The following ZSCAN25 variants were observed in gnomAD, a reference collection of about 807,000 sequenced individuals.
ZSCAN25 encodes zinc finger and SCAN domain containing 25.
A neutral mutation model predicts 38.7 loss-of-function variants in ZSCAN25; 27 were observed. That is an observed-to-expected ratio of 0.70 (90% CI 0.51 to 0.96). ZSCAN25 has a LOEUF of 0.96. ZSCAN25 is among the 40% of genes least tolerant of loss of function. The pLI is 0.00. For missense variants in ZSCAN25, 637 were observed against 705.9 expected (o/e 0.90, Z 1.11); for synonymous variants, 273 against 277.7 (o/e 0.98, Z 0.17).
chr7:99,686,089 G>C, the ZSCAN25 span, among the ~76,000 whole-genome samples: 1 of 152,218 alleles, frequency 6.6e-6, no homozygotes, highest in South Asian at 2.1e-4. Flanking sequence ...TGACACAGAA[G>C]ACGGGTGATT....
At chr7:99,675,423 G>A in the ZSCAN25 span, among the ~76,000 whole-genome samples, 1 of 151,916 alleles carries the variant, frequency 6.6e-6, no homozygotes, top group African/African-American at 2.4e-5. Flanking sequence ...ATAGTAATCA[G>A]ACAACAGAGG....
At chr7:99,622,294 A>G in intron 5 of ZSCAN25, 1 of 515,010 alleles carries the variant, frequency 1.9e-6, no homozygotes, top group South Asian at 2.3e-5. Context: ...TAGCATGGGT[A>G]GCCCTGGACG....
the ZSCAN25 span, chr7:99,638,477 A>G: frequency 6.6e-7 from 1 of 1,525,686 alleles, no homozygotes; most frequent in Non-Finnish European, 9.1e-7. Flanking sequence ...GGCAAGCCTC[A>G]TCGGTGCGGT....
intron 6 of ZSCAN25, 64 bp downstream of exon 6, chr7:99,622,704 A>G: frequency 6.0e-6 from 9 of 1,495,526 alleles, no homozygotes; most frequent in Non-Finnish European, 7.4e-6. Context: ...ACCTTCCCCA[A>G]GGTTTCTCTG....
chr7:99,677,927 C>G, the ZSCAN25 span, among the ~76,000 whole-genome samples: 1 of 152,260 alleles, frequency 6.6e-6, no homozygotes, highest in East Asian at 1.9e-4. Flanking sequence ...TCTAGATTCA[C>G]ATGGTACCAT....
chr7:99,722,474 T>G, the ZSCAN25 span: 1 of 1,178,006 alleles, frequency 8.5e-7, no homozygotes. Context: ...GAAGCTTATT[T>G]AGAGATGTCA....
chr7:99,652,469 C>T, the ZSCAN25 span: 9 of 832,450 alleles, frequency 1.1e-5, no homozygotes, highest in South Asian at 1.9e-5. Context: ...TACAACCACA[C>T]GATTGTCATG....
the ZSCAN25 span, among the ~76,000 whole-genome samples, chr7:99,677,718 G>A: frequency 2.0e-5 from 3 of 152,336 alleles, no homozygotes; most frequent in South Asian, 2.1e-4. Context: ...GTGGAAGTGC[G>A]TGCACCACCT....
chr7:99,702,542 A>G, the ZSCAN25 span, among the ~76,000 whole-genome samples: 1 of 152,310 alleles, frequency 6.6e-6, no homozygotes, highest in African/African-American at 2.4e-5. Context: ...ACATTGTCAA[A>G]AATGAGTTCA....
the ZSCAN25 span, chr7:99,714,483 C>T: frequency 5.7e-6 from 9 of 1,591,666 alleles, no homozygotes; most frequent in Non-Finnish European, 7.7e-6. Flanking sequence ...CAGGGAAGTG[C>T]ACCGATCATA....
the ZSCAN25 span, chr7:99,676,240 G>A: frequency 6.2e-7 from 1 of 1,611,816 alleles, no homozygotes; most frequent in Non-Finnish European, 8.5e-7. Flanking sequence ...AGGTCACAGG[G>A]ATTGTGACTT....
At chr7:99,722,850 G>A in the ZSCAN25 span, among the ~76,000 whole-genome samples, 1 of 152,148 alleles carries the variant, frequency 6.6e-6, no homozygotes, top group Non-Finnish European at 1.5e-5. Flanking sequence ...TTTTAGCCTA[G>A]CAGATTTAGA....
At chr7:99,617,380 A>T (rs1442274643) in intron 1 of ZSCAN25, among the ~76,000 whole-genome samples, 16 of 152,196 alleles carry the variant, frequency 1.1e-4, no homozygotes, top group Admixed American at 1.0e-3. Flanking sequence ...AAGAATAGTG[A>T]TGAGCCAGCC....
chr7:99,666,550 G>C, the ZSCAN25 span: 1 of 1,580,888 alleles, frequency 6.3e-7, no homozygotes, highest in South Asian at 1.1e-5. Flanking sequence ...ATGGCAGGCA[G>C]CTGGAAGGGC....
Position 99,629,412 on chromosome 7 carries a change from T to TCTGGAAAACCCACA in ZSCAN25, c.1028_1029insTGGAAAACCCACAC (p.Phe344GlyfsTer48). ...GCCTGACGAAGTCAAAACCCACAGC[T>TCTGGAAAACCCACA]CCTTCTGGAAGCCTTTCCAGTGCCC... On this transcript the variant is annotated frameshift_variant, in exon 8 of 8. Coordinates refer to ENST00000394152, the MANE Select transcript of ZSCAN25 (RefSeq NM_145115.3). LOFTEE classifies it high-confidence loss of function. This position sits in a 1 kb window ranked among gnomAD's most constrained non-coding sequence, Gnocchi z 5.6. 6.2e-7 allele frequency: 1 copy of TCTGGAAAACCCACA among 1,614,024 alleles called. No individual in the cohort carries two copies. Among genetic ancestry groups the TCTGGAAAACCCACA allele is most frequent in the Non-Finnish European group, 8.5e-7 (1 of 1,180,000 alleles).
the ZSCAN25 span, among the ~76,000 whole-genome samples, chr7:99,724,039 G>A: frequency 1.3e-5 from 2 of 151,944 alleles, no homozygotes; most frequent in Admixed American, 1.3e-4. Flanking sequence ...TGGGTGGCAA[G>A]TACCACCTTC....
At chr7:99,627,298 G>C (rs1221355736) in intron 7 of ZSCAN25, among the ~76,000 whole-genome samples, 1 of 152,154 alleles carries the variant, frequency 6.6e-6, no homozygotes, top group Admixed American at 6.5e-5. Flanking sequence ...TGCATAGTCA[G>C]CTTTCCCCAA....
chr7:99,702,632 C>G, the ZSCAN25 span, among the ~76,000 whole-genome samples: 1 of 152,136 alleles, frequency 6.6e-6, no homozygotes, highest in Non-Finnish European at 1.5e-5. Flanking sequence ...AAACACCATA[C>G]TGTTTTGGTT....
At chr7:99,667,069 G>C in the ZSCAN25 span, 1 of 1,609,102 alleles carries the variant, frequency 6.2e-7, no homozygotes, top group South Asian at 1.1e-5. Context: ...CTAAAGACTA[G>C]AGTTCAACAG....
Sources: gnomAD v4.1 joint callset for allele counts (sites outside exome capture counted in the v4.1 genomes callset) on GRCh38, gnomAD v4.1.1 for gene constraint, Gnocchi (gnomAD v3.1) non-coding constraint, MANE v1.5 for transcripts, NCBI Gene and HGNC (gene_info 2026-07-23, HGNC 2026-07-21) for gene names.